RBFOX3: variants seen among roughly 807,000 people sequenced by gnomAD.
RBFOX3 encodes the protein RNA binding protein fox-1 homolog 3.
RBFOX3 carries 17 observed loss-of-function variants against 48.7 expected under a neutral mutation model. The observed-to-expected ratio is 0.35, with a 90% CI of 0.24 to 0.52. RBFOX3 has a LOEUF of 0.52. Among genes scored for constraint, RBFOX3 ranks in the 20% least tolerant of loss-of-function variants. The probability of loss-of-function intolerance (pLI) is 0.94; values close to 1 mark genes in which losing one functional copy is unlikely to be tolerated. For synonymous variants in RBFOX3, 212 were observed against 209.5 expected (o/e 1.01, Z -0.10); for missense variants, 382 against 497.5 (o/e 0.77, Z 2.21).
At chr17:79,309,120 A>AC (rs397690009) in intron 2 of RBFOX3, among the ~76,000 whole-genome samples, 3 of 150,834 alleles carry the variant, frequency 2.0e-5, no homozygotes, top group Admixed American at 1.3e-4. Flanking sequence ...AAAAAAAAAA[A>AC]CTAAATGTTT....
chr17:79,585,559 A>AAAAT (rs1199655854), intron 1 of RBFOX3, among the ~76,000 whole-genome samples: 90 of 152,200 alleles, frequency 5.9e-4, no homozygotes, highest in African/African-American at 2.2e-3. Context: ...CTCCTTCTCA[A>AAAAT]AAATAAATAA....
intron 2 of RBFOX3, among the ~76,000 whole-genome samples, chr17:79,458,986 C>G (rs997730933): frequency 1.3e-5 from 2 of 152,176 alleles, no homozygotes; most frequent in Non-Finnish European, 2.9e-5. Context: ...GAAGCGCGGC[C>G]GTGGGCTACC....
Position 79,111,313 on chromosome 17 carries a change from T to A in RBFOX3, c.222+4181A>T, listed in dbSNP as rs560387404. 1.2e-3 allele frequency among the ~76,000 whole-genome samples: 189 copies of A among 152,198 alleles called. 1 individual carries two copies. Among genetic ancestry groups the A allele is most frequent in the African/African-American group, 3.9e-3 (164 of 41,544 alleles). ...GCCCTTGCGGCCCACGTGGGGTCCC[T>A]TCTGGCAGGTGGAGGAGCCCACGTG... On this transcript the variant is annotated intron_variant, in intron 5 of 14. Coordinates refer to ENST00000693108, the MANE Select transcript of RBFOX3 (RefSeq NM_001350451.2). This position sits in a 1 kb window ranked among gnomAD's most constrained non-coding sequence, Gnocchi z 4.2.
intron 4 of RBFOX3, among the ~76,000 whole-genome samples, chr17:79,129,278 C>CA (rs1304620061): frequency 6.6e-6 from 1 of 152,332 alleles, no homozygotes; most frequent in East Asian, 1.9e-4. Context: ...GAAAGAAACT[C>CA]AGAGTGGGGA....
rs1254162468 is a variant in RBFOX3, at chr17:79,388,072, G to GCA, written c.-174-80249_-174-80248insTG. On this transcript the variant is annotated intron_variant, in intron 2 of 14. Transcript: ENST00000693108. ...TACATGTGTGCACTGTGCAGTGTGT[G>GCA]TGCCTACGTGTGCATGTGTGTGCAT... Among the ~76,000 whole-genome samples, 24 of 152,156 alleles carry GCA rather than the reference G, an allele frequency of 1.6e-4. No homozygotes were observed. The South Asian group carries it at 2.5e-3, about 16-fold the overall frequency.
intron 4 of RBFOX3, among the ~76,000 whole-genome samples, chr17:79,120,303 T>C (rs927743083): frequency 5.3e-5 from 8 of 152,038 alleles, no homozygotes; most frequent in Non-Finnish European, 1.5e-5. Flanking sequence ...TACGTACGTA[T>C]GTACGTATGT....
intron 4 of RBFOX3, among the ~76,000 whole-genome samples, chr17:79,120,529 G>A (rs539134373): frequency 6.6e-6 from 1 of 151,978 alleles, no homozygotes; most frequent in South Asian, 2.1e-4. Context: ...ATGGATGGGT[G>A]GGTGGATGGA....
chr17:79,315,152 C>T (rs981148533), intron 2 of RBFOX3, among the ~76,000 whole-genome samples: 45 of 152,258 alleles, frequency 3.0e-4, no homozygotes, highest in African/African-American at 8.9e-4. Context: ...AGAATCTCAC[C>T]GGCTGGTGGC....
chr17:79,445,392 G>C (rs2072033119), intron 2 of RBFOX3, among the ~76,000 whole-genome samples: 1 of 152,166 alleles, frequency 6.6e-6, no homozygotes, highest in South Asian at 2.1e-4. Context: ...CCTTCCACGT[G>C]CGGGAGGCAC....
At chr17:79,642,540 A>G in the RBFOX3 span, among the ~76,000 whole-genome samples, 1 of 152,212 alleles carries the variant, frequency 6.6e-6, no homozygotes, top group Non-Finnish European at 1.5e-5. Flanking sequence ...TTAAGAAAGC[A>G]TGCTGTCATT....
chr17:79,664,315 C>G, the RBFOX3 span, among the ~76,000 whole-genome samples: 1 of 151,462 alleles, frequency 6.6e-6, no homozygotes, highest in Admixed American at 6.6e-5. Flanking sequence ...GCTGGGATTA[C>G]AGGCACGTGC....
At position 79,103,996 on chromosome 17, in the gene RBFOX3, G is replaced by A; in HGVS notation, c.414+77C>T. ...CTCGGGCGCGAAGCTCTCCAGGAAG[G>A]AAACGCACATTTCACACGTTAGCCT... On this transcript the variant is annotated intron_variant, in intron 7 of 14. Transcript: ENST00000693108. The surrounding 1 kb of genome is among the most constrained non-coding windows in gnomAD (Gnocchi z 6.1). 7.6e-7 allele frequency: 1 copy of A among 1,316,002 alleles called. No individual in the cohort carries two copies. Among genetic ancestry groups the A allele is most frequent in the East Asian group, 2.5e-5 (1 of 39,788 alleles). The allele number at this position is 1,316,002 out of a possible 1,614,324, so 81.5% of individuals were successfully genotyped here. A position where few individuals can be genotyped will look rare whatever the true frequency, so the allele number is the denominator to read the frequency against.
At chr17:79,545,951 CGTGTGTGCGTGTGCACGT>C (rs2090372012) in intron 1 of RBFOX3, among the ~76,000 whole-genome samples, 1 of 152,156 alleles carries the variant, frequency 6.6e-6, no homozygotes. Flanking sequence ...TGTGTGTGCA[CGTGTGTGCGTGTGCACGT>C]GTGTGTGCAC....
intron 4 of RBFOX3, among the ~76,000 whole-genome samples, chr17:79,228,351 G>A (rs2060580131): frequency 2.0e-5 from 3 of 152,144 alleles, no homozygotes; most frequent in Admixed American, 1.3e-4. Flanking sequence ...GAAAACCAGG[G>A]AGAAATTACT....
intron 2 of RBFOX3, among the ~76,000 whole-genome samples, chr17:79,312,854 G>C (rs1469125278): frequency 1.3e-5 from 2 of 152,212 alleles, no homozygotes; most frequent in African/African-American, 4.8e-5. Context: ...CTCCTCGAGG[G>C]GGAGAGAGCT....
chr17:79,137,757 C>T (rs528018237), intron 4 of RBFOX3, among the ~76,000 whole-genome samples: 11 of 152,130 alleles, frequency 7.2e-5, no homozygotes, highest in Non-Finnish European at 1.6e-4. Context: ...ATTAAATGTC[C>T]CTCATTAATG....
chr17:79,415,641 T>C (rs557032782), intron 2 of RBFOX3, among the ~76,000 whole-genome samples: 2 of 152,086 alleles, frequency 1.3e-5, no homozygotes, highest in African/African-American at 4.8e-5. Context: ...GGCAGGACAG[T>C]CACACAATTG....
At chr17:79,492,759 T>C (rs1356641337) in intron 1 of RBFOX3, among the ~76,000 whole-genome samples, 2 of 152,168 alleles carry the variant, frequency 1.3e-5, no homozygotes, top group Non-Finnish European at 2.9e-5. Context: ...AAAATATGAA[T>C]GGTGGCTGGA....
At chr17:79,483,063 T>C (rs1423044627) in intron 1 of RBFOX3, among the ~76,000 whole-genome samples, 1 of 152,106 alleles carries the variant, frequency 6.6e-6, no homozygotes, top group East Asian at 1.9e-4. Context: ...ATTCATCAGA[T>C]GATGTCACTG....
Sources: gnomAD v4.1 joint callset for allele counts (sites outside exome capture counted in the v4.1 genomes callset) on GRCh38, gnomAD v4.1.1 for gene constraint, Gnocchi (gnomAD v3.1) non-coding constraint, MANE v1.5 for transcripts, NCBI Gene and HGNC (gene_info 2026-07-23, HGNC 2026-07-21) for gene names.